Variants in CERS6 observed in about 807,000 individuals in gnomAD.
CERS6 encodes LAG1 homolog, ceramide synthase 6.
A neutral mutation model predicts 56.8 loss-of-function variants in CERS6; 26 were observed. The observed-to-expected ratio is 0.46, with a 90% CI of 0.34 to 0.63. The LOEUF (loss-of-function observed/expected upper bound fraction) is 0.63, where lower values mean the gene tolerates loss of function less well. Ranked by LOEUF, CERS6 falls within the 30% of genes least tolerant of loss-of-function variation. CERS6 has a pLI of 0.01. For synonymous variants in CERS6, 164 were observed against 173.3 expected, an observed-to-expected ratio of 0.95 and a Z score of 0.42; for missense variants, 415 against 467.5, an observed-to-expected ratio of 0.89 and a Z score of 1.04.
At chr2:168,463,307 A>G (rs1487599857) in intron 1 of CERS6, among the ~76,000 whole-genome samples, 1 of 152,244 alleles carries the variant, frequency 6.6e-6, no homozygotes, top group African/African-American at 2.4e-5. Context: ...TATAATCTGA[A>G]TACTTTCCAT....
chr2:168,714,801 G>A (rs1687186785), intron 6 of CERS6, among the ~76,000 whole-genome samples, 200 bp from the exon 7 acceptor site: 1 of 152,060 alleles, frequency 6.6e-6, no homozygotes, highest in African/African-American at 2.4e-5. Flanking sequence ...CTTGATCTTG[G>A]GCTTCCACTG....
chr2:168,748,005 A>C (rs1684157819), intron 8 of CERS6, among the ~76,000 whole-genome samples: 1 of 152,140 alleles, frequency 6.6e-6, no homozygotes, highest in East Asian at 1.9e-4. Context: ...AGCCAGTTGT[A>C]TTTCTTCTGA....
At chr2:168,542,858 G>C (rs1449435817) in intron 1 of CERS6, among the ~76,000 whole-genome samples, 1 of 152,086 alleles carries the variant, frequency 6.6e-6, no homozygotes, top group East Asian at 1.9e-4. Context: ...CACCACACCT[G>C]GCTAATTTTG....
chr2:168,555,754 G>GTGTGTGTT (rs1185661259), intron 2 of CERS6, among the ~76,000 whole-genome samples: 1 of 151,188 alleles, frequency 6.6e-6, no homozygotes, highest in African/African-American at 2.4e-5. Flanking sequence ...GTGTGTGTGT[G>GTGTGTGTT]TGTGTGTGTG....
chr2:168,537,401 A>C (rs1475574817), intron 1 of CERS6, among the ~76,000 whole-genome samples: 1 of 152,246 alleles, frequency 6.6e-6, no homozygotes, highest in Non-Finnish European at 1.5e-5. Context: ...ACCATATCAC[A>C]AATATTTTAA....
chr2:168,500,840 T>C (rs1694567011), intron 1 of CERS6, among the ~76,000 whole-genome samples: 1 of 152,206 alleles, frequency 6.6e-6, no homozygotes, highest in South Asian at 2.1e-4. Context: ...AGTGTGTGTG[T>C]TGGAGGGAGT....
At chr2:168,532,090 G>C in intron 1 of CERS6, among the ~76,000 whole-genome samples, 1 of 152,100 alleles carries the variant, frequency 6.6e-6, no homozygotes, top group Non-Finnish European at 1.5e-5. Context: ...ATATGAGTTT[G>C]CACCAGAGGA....
At chr2:168,756,334 A>G (rs1397134925) in intron 8 of CERS6, among the ~76,000 whole-genome samples, 1 of 152,238 alleles carries the variant, frequency 6.6e-6, no homozygotes, top group Non-Finnish European at 1.5e-5. Flanking sequence ...TTCAAAGAGA[A>G]AAGCAAAGAA....
At chr2:168,707,346 G>C (rs1430145094) in intron 6 of CERS6, among the ~76,000 whole-genome samples, 1 of 152,166 alleles carries the variant, frequency 6.6e-6, no homozygotes, top group East Asian at 1.9e-4. Flanking sequence ...TAATGTGAAT[G>C]AAGTTTTATT....
intron 4 of CERS6, among the ~76,000 whole-genome samples, chr2:168,674,405 G>C (rs1382562105): frequency 6.6e-6 from 1 of 152,122 alleles, no homozygotes. Flanking sequence ...TTAACAAAAA[G>C]AGTCTTCCCA....
At chr2:168,748,496 G>A (rs891894196) in intron 8 of CERS6, among the ~76,000 whole-genome samples, 3 of 152,146 alleles carry the variant, frequency 2.0e-5, no homozygotes, top group Admixed American at 6.5e-5. Context: ...GCCACAACTT[G>A]GAAGTGTTTG....
intron 1 of CERS6, among the ~76,000 whole-genome samples, chr2:168,494,679 C>T (rs11897550): frequency 0.019 from 2,924 of 152,198 alleles, 68 homozygotes; most frequent in African/African-American, 0.051. Context: ...GCGAACGAGT[C>T]ATAGAGTTGA....
intron 4 of CERS6, among the ~76,000 whole-genome samples, chr2:168,662,891 A>G (rs1685667059): frequency 6.6e-6 from 1 of 152,238 alleles, no homozygotes; most frequent in Non-Finnish European, 1.5e-5. Flanking sequence ...AGCTATTAAA[A>G]TGATTCATCT....
intron 3 of CERS6, among the ~76,000 whole-genome samples, chr2:168,566,225 T>C (rs1247262576): frequency 6.6e-6 from 1 of 152,156 alleles, no homozygotes; most frequent in East Asian, 1.9e-4. Context: ...GAATCTCCCA[T>C]ATGTAATCTG....
intron 1 of CERS6, among the ~76,000 whole-genome samples, chr2:168,546,076 A>G (rs967429008): frequency 1.3e-5 from 2 of 152,254 alleles, no homozygotes; most frequent in Admixed American, 1.3e-4. Flanking sequence ...ACCACAAAGC[A>G]GGAAACCTTG....
chr2:168,471,104 A>G (rs924478661), intron 1 of CERS6, among the ~76,000 whole-genome samples: 1 of 152,170 alleles, frequency 6.6e-6, no homozygotes, highest in African/African-American at 2.4e-5. Flanking sequence ...AAGTAAACCA[A>G]TTTAGGACCA....
rs570653525 is a variant in CERS6, at chr2:168,540,552, G to C, written c.171-7044G>C. Among the ~76,000 whole-genome samples, 7 of 152,298 alleles carry C rather than the reference G, an allele frequency of 4.6e-5. No individual in the cohort carries two copies. In the South Asian group the frequency reaches 1.5e-3, roughly 32 times the overall value. On this transcript the variant is annotated intron_variant, in intron 1 of 9. Coordinates refer to ENST00000305747, the MANE Select transcript of CERS6 (RefSeq NM_203463.3). ...ATAGGCAATACCATATATCTTAGGCGTGTAGTAGGCCATACCATCTAGGTT... is the reference window on the plus strand; with the variant it reads ...ATAGGCAATACCATATATCTTAGGCCTGTAGTAGGCCATACCATCTAGGTT...
rs1171411095 is a variant in CERS6, at chr2:168,645,122, T to A, written c.465+14080T>A. 1.6e-3 allele frequency among the ~76,000 whole-genome samples: 39 copies of A among 24,020 alleles called. 1 individual carries two copies. Among genetic ancestry groups the A allele is most frequent in the Non-Finnish European group, 2.5e-3 (34 of 13,546 alleles). 15.8% of individuals were successfully genotyped at this position (24,020 alleles called of 152,430 possible). ...AAAAAAAAAAAAAAAAAAAAATATA[T>A]ATATATATATATATATATATAGAGA... On this transcript the variant is annotated intron_variant, in intron 4 of 9. Coordinates refer to ENST00000305747, the MANE Select transcript of CERS6 (RefSeq NM_203463.3).
chr2:168,661,757 A>T (rs1244832888), intron 4 of CERS6, among the ~76,000 whole-genome samples: 1 of 152,358 alleles, frequency 6.6e-6, no homozygotes, highest in East Asian at 1.9e-4. Context: ...TACACAAAGT[A>T]ACAAGATACA....
Sources: allele counts gnomAD v4.1 joint callset (sites outside exome capture counted in the v4.1 genomes callset), GRCh38; gene constraint gnomAD v4.1.1; transcripts MANE v1.5; gene names NCBI Gene and HGNC (gene_info 2026-07-23, HGNC 2026-07-21).